The following MATCAP2 variants were observed in gnomAD, a reference collection of about 807,000 sequenced individuals.
The protein encoded by MATCAP2 is putative tyrosine carboxypeptidase MATCAP2.
chr7:36,356,886 T>C, the MATCAP2 span: 1 of 1,603,356 alleles, frequency 6.2e-7, no homozygotes, highest in Non-Finnish European at 8.5e-7. Flanking sequence ...CTACCACTAT[T>C]GAAATGGCAT....
At chr7:36,354,774 T>C in the MATCAP2 span, among the ~76,000 whole-genome samples, 1 of 152,234 alleles carries the variant, frequency 6.6e-6, no homozygotes, top group East Asian at 1.9e-4. Context: ...GCATTTGCAG[T>C]ACAAGTCAGC....
chr7:36,374,723 G>T, the MATCAP2 span, among the ~76,000 whole-genome samples: 2 of 151,984 alleles, frequency 1.3e-5, no homozygotes, highest in Non-Finnish European at 2.9e-5. Flanking sequence ...GGTGTGTGAC[G>T]TTCCCCACCT....
chr7:36,336,087 A>T, the MATCAP2 span: 1 of 1,163,096 alleles, frequency 8.6e-7, no homozygotes, highest in African/African-American at 1.6e-5. Context: ...TAAAATAAAT[A>T]AAATAAAATA....
At chr7:36,338,047 C>T in the MATCAP2 span, among the ~76,000 whole-genome samples, 1 of 151,970 alleles carries the variant, frequency 6.6e-6, no homozygotes, top group Non-Finnish European at 1.5e-5. Flanking sequence ...CTTATTTAAC[C>T]CTATATAGTG....
chr7:36,332,579 A>G, the MATCAP2 span, among the ~76,000 whole-genome samples: 1 of 152,228 alleles, frequency 6.6e-6, no homozygotes, highest in African/African-American at 2.4e-5. Flanking sequence ...TGTGCTAGCA[A>G]CATAACCATC....
At chr7:36,365,572 C>T in the MATCAP2 span, among the ~76,000 whole-genome samples, 2 of 152,094 alleles carry the variant, frequency 1.3e-5, no homozygotes, top group Non-Finnish European at 2.9e-5. Context: ...TGGTAGCATG[C>T]GTCTGTAATC....
the MATCAP2 span, chr7:36,366,707 T>C: frequency 6.5e-7 from 1 of 1,535,048 alleles, no homozygotes; most frequent in African/African-American, 1.4e-5. Flanking sequence ...TACTTACTGA[T>C]AATAAGTGAC....
At chr7:36,341,054 C>T in the MATCAP2 span, among the ~76,000 whole-genome samples, 1 of 152,128 alleles carries the variant, frequency 6.6e-6, no homozygotes, top group Non-Finnish European at 1.5e-5. Context: ...TAAAATTCCT[C>T]ACAATATGTA....
chr7:36,363,600 A>G, the MATCAP2 span, among the ~76,000 whole-genome samples: 2 of 152,244 alleles, frequency 1.3e-5, no homozygotes. Context: ...AAATCAGTGT[A>G]CAGTCACTAT....
chr7:36,387,434 T>G, the MATCAP2 span, among the ~76,000 whole-genome samples: 3 of 152,214 alleles, frequency 2.0e-5, no homozygotes, highest in Non-Finnish European at 4.4e-5. Context: ...TTTTCAAATT[T>G]TTTTATTTGT....
chr7:36,363,428 T>G, the MATCAP2 span, among the ~76,000 whole-genome samples: 1 of 152,244 alleles, frequency 6.6e-6, no homozygotes, highest in Non-Finnish European at 1.5e-5. Flanking sequence ...GCGTTCTATT[T>G]TGAAAACAAC....
chr7:36,334,998 G>A, the MATCAP2 span: 1 of 1,539,242 alleles, frequency 6.5e-7, no homozygotes, highest in Non-Finnish European at 8.8e-7. Context: ...TTTCTTTAGA[G>A]CTAATTCCTG....
At chr7:36,375,321 G>T in the MATCAP2 span, among the ~76,000 whole-genome samples, 2 of 152,110 alleles carry the variant, frequency 1.3e-5, no homozygotes. Context: ...TGTGTCGAAG[G>T]CCTTTTCTGC....
the MATCAP2 span, among the ~76,000 whole-genome samples, chr7:36,334,429 G>A: frequency 6.7e-6 from 1 of 149,760 alleles, no homozygotes; most frequent in Admixed American, 6.8e-5. Flanking sequence ...CAGCTACTCA[G>A]GAGGCTGAGG....
At chr7:36,326,885 A>G in the MATCAP2 span, 1 of 1,613,910 alleles carries the variant, frequency 6.2e-7, no homozygotes, top group African/African-American at 1.3e-5. Flanking sequence ...GTAACTGCCA[A>G]TCCTTTTAAG....
At chr7:36,360,190 G>T in the MATCAP2 span, among the ~76,000 whole-genome samples, 1 of 152,080 alleles carries the variant, frequency 6.6e-6, no homozygotes, top group Non-Finnish European at 1.5e-5. Context: ...TGTTTTCTAA[G>T]ACCTAGTAGC....
chr7:36,389,310 C>T, the MATCAP2 span, among the ~76,000 whole-genome samples: 1 of 152,130 alleles, frequency 6.6e-6, no homozygotes, highest in Admixed American at 6.5e-5. Context: ...ATCTGCCCGC[C>T]TCGGCCTCCC....
chr7:36,335,286 A>C, the MATCAP2 span: 43 of 1,016,086 alleles, frequency 4.2e-5, no homozygotes, highest in African/African-American at 5.5e-4. Context: ...TTTTTTGTTT[A>C]TAACCACCTT....
chr7:36,340,948 T>C, the MATCAP2 span, among the ~76,000 whole-genome samples: 1 of 152,212 alleles, frequency 6.6e-6, no homozygotes, highest in Non-Finnish European at 1.5e-5. Context: ...ACAGGGAAGC[T>C]TGGAGGAATA....
Sources: allele counts gnomAD v4.1 joint callset (sites outside exome capture counted in the v4.1 genomes callset), GRCh38; gene constraint gnomAD v4.1.1; transcripts MANE v1.5; gene names NCBI Gene and HGNC (gene_info 2026-07-23, HGNC 2026-07-21).